MUC22: variants seen among roughly 807,000 people sequenced by gnomAD.
The protein encoded by MUC22 is mucin-22.
Under a neutral mutation model 40.3 loss-of-function variants are expected in MUC22, and 24 were observed. The observed-to-expected ratio is 0.60, with a 90% confidence interval of 0.43 to 0.84. The LOEUF (loss-of-function observed/expected upper bound fraction) is 0.84. MUC22 is among the 40% of genes least tolerant of loss of function. MUC22 has a pLI of 0.00. For missense variants in MUC22, 1,926 were observed against 2,130.7 expected (o/e 0.90, Z 1.89); for synonymous variants, 765 against 844.5 (o/e 0.91, Z 1.63).
chr6:31,022,485 T>C (rs923177891), intron 1 of MUC22, among the ~76,000 whole-genome samples: 1 of 151,994 alleles, frequency 6.6e-6, no homozygotes, highest in African/African-American at 2.4e-5. Context: ...TAAAAGTTCT[T>C]CAGGAAGAAA....
Position 31,027,101 on chromosome 6 carries a change from T to C in MUC22, c.1670T>C (p.Met557Thr), listed in dbSNP as rs770369929. Residue 557 changes from methionine to threonine, a missense_variant, in exon 2 of 4, where the codon ATG (methionine) becomes ACG (threonine). Met to Thr is a moderately conservative substitution (Grantham distance 81, BLOSUM62 -1). This residue lies in a region of MUC22 where 1,281 missense variants were observed against 1,337.8 expected (regional missense o/e 0.96). Coordinates refer to ENST00000561890, the Ensembl canonical transcript of MUC22. ...TCCACCATGGGCTCTGAGACCACTA[T>C]GGCCTCTACCATAGGCCCTGAGACC... 6,136 of 1,463,502 alleles carry C rather than the reference T, an allele frequency of 4.2e-3. 482 individuals are homozygous for C. The highest frequency in any genetic ancestry group is 9.5e-3 in the East Asian group (356 of 37,412). The allele number at this position is 1,463,502 out of a possible 1,614,324, so 90.7% of individuals were successfully genotyped here.
exon 2 of MUC22, chr6:31,029,461 G>A: frequency 6.5e-7 from 1 of 1,534,496 alleles, no homozygotes; most frequent in Non-Finnish European, 8.7e-7. Flanking sequence ...CTCAGGCTCT[G>A]GGACCACCAC....
At chr6:31,031,860 GC>G (rs779127985) in intron 2 of MUC22, among the ~76,000 whole-genome samples, 4 of 152,020 alleles carry the variant, frequency 2.6e-5, no homozygotes, top group Non-Finnish European at 5.9e-5. Flanking sequence ...ATTTTTATCA[GC>G]CCACCCTCTT....
Position 31,032,215 on chromosome 6 carries a change from CAGACTCA to C in MUC22, c.4690_4696del (p.Arg1564LeufsTer26). ...TCATAGGCACCAGAACCACTGGAACCAGACTCACTGCCTCCAGCTCTGTCACCATGGC... is the reference window on the plus strand; with the variant it reads ...TCATAGGCACCAGAACCACTGGAACCCTGCCTCCAGCTCTGTCACCATGGC... On this transcript the variant is annotated frameshift_variant, in exon 3 of 4. Transcript: ENST00000561890. LOFTEE classifies it high-confidence loss of function. This position sits in a 1 kb window ranked among gnomAD's most constrained non-coding sequence, Gnocchi z 4.1. The C allele has an allele frequency of 8.5e-6, 13 of 1,534,752 alleles. No homozygotes were observed. Among genetic ancestry groups the C allele is most frequent in the Non-Finnish European group, 1.0e-5 (12 of 1,146,386 alleles).
chr6:31,017,371 CCT>C (rs1764301348), intron 1 of MUC22, among the ~76,000 whole-genome samples: 1 of 151,704 alleles, frequency 6.6e-6, no homozygotes, highest in Non-Finnish European at 1.5e-5. Context: ...CAATCAGCAC[CCT>C]GTGTCTAGCT....
exon 2 of MUC22, chr6:31,025,591 G>A (rs1225125652): frequency 1.1e-5 from 17 of 1,522,314 alleles, no homozygotes; most frequent in Non-Finnish European, 1.2e-5. Flanking sequence ...CTCCACCATG[G>A]CCTCTACTTC....
chr6:31,026,162 A>ATT lies in MUC22; in HGVS notation c.731_732insTT (p.Lys246ProfsTer3), dbSNP rs1765298781. 4 of 1,520,240 alleles carry ATT rather than the reference A, an allele frequency of 2.6e-6. No individual in the cohort carries two copies. The Admixed American group carries it at 6.0e-5, about 23-fold the overall frequency. The allele number at this position is 1,520,240 out of a possible 1,614,324, so 94.2% of individuals were successfully genotyped here. ...GAGGCCACCACAACCTCAACTGCAG[A>ATT]CTCCAAGGTGATCACGGCATCCAGC... On this transcript the variant is annotated frameshift_variant, in exon 2 of 4. Transcript: ENST00000561890. LOFTEE classifies it high-confidence loss of function.
chr6:31,035,240 G>T, exon 4 of MUC22: 1 of 381,050 alleles, frequency 2.6e-6, no homozygotes, highest in Non-Finnish European at 4.7e-6. Flanking sequence ...CTCAGCCTCT[G>T]TTGTGGGGAG....
In MUC22 at chr6:31,032,764, A is replaced by C. The variant is rs1307681777; in HGVS notation, c.5055+183A>C. 2.0e-5 allele frequency among the ~76,000 whole-genome samples: 3 copies of C among 152,212 alleles called. No individual in the cohort carries two copies. The highest frequency in any genetic ancestry group is 7.2e-5 in the African/African-American group (3 of 41,448). On this transcript the variant is annotated intron_variant, in intron 3 of 3. Coordinates refer to ENST00000561890, the Ensembl canonical transcript of MUC22. This position sits in a 1 kb window ranked among gnomAD's most constrained non-coding sequence, Gnocchi z 4.1. The stretch of plus-strand genomic sequence containing the variant: ...GCTTAAGTCAGAGAAAGTGAGAAGC[A>C]AAGTAGAAAAAGAGGAGGGAAAAGA...
At chr6:31,008,508 G>A (rs945086643), upstream of MUC22, among the ~76,000 whole-genome samples, 1 of 151,906 alleles carries the variant, frequency 6.6e-6, no homozygotes, top group African/African-American at 2.4e-5. Flanking sequence ...ATATGGCCAA[G>A]TATTTACCCA....
intron 1 of MUC22, among the ~76,000 whole-genome samples, chr6:31,013,734 G>A (rs999834721): frequency 1.5e-4 from 23 of 152,164 alleles, no homozygotes; most frequent in Non-Finnish European, 2.4e-4. Context: ...CACCATCATA[G>A]CTCACTGCAG....
chr6:31,021,907 T>C (rs1172626403), intron 1 of MUC22, among the ~76,000 whole-genome samples: 1 of 152,054 alleles, frequency 6.6e-6, no homozygotes, highest in Non-Finnish European at 1.5e-5. Context: ...TTGCTACTGC[T>C]CACTTTTTGG....
At chr6:31,021,926 T>C (rs1361983545) in intron 1 of MUC22, among the ~76,000 whole-genome samples, 1 of 152,166 alleles carries the variant, frequency 6.6e-6, no homozygotes, top group Non-Finnish European at 1.5e-5. Flanking sequence ...GGGTCTACAC[T>C]GTTTTTATGA....
At chr6:31,027,919 A>G in exon 2 of MUC22, 1 of 1,535,032 alleles carries the variant, frequency 6.5e-7, no homozygotes, top group South Asian at 1.2e-5. Flanking sequence ...CACAGACTCT[A>G]CTGAAGGCTC....
At chr6:31,034,913 A>C (rs1197170255) in exon 4 of MUC22, 2 of 1,535,512 alleles carry the variant, frequency 1.3e-6, no homozygotes, top group African/African-American at 1.4e-5. Context: ...CATGGCGGGC[A>C]TTATGGACAT....
chr6:31,030,228 C>T (rs1488162638), intron 2 of MUC22, 128 bp downstream of exon 2: 3 of 1,156,412 alleles, frequency 2.6e-6, no homozygotes, highest in Middle Eastern at 2.0e-4. Flanking sequence ...ATATAATTTC[C>T]TCTTCTAGGC....
intron 1 of MUC22, among the ~76,000 whole-genome samples, chr6:31,022,532 G>A (rs1382498616): frequency 1.3e-5 from 2 of 150,958 alleles, no homozygotes; most frequent in Non-Finnish European, 2.9e-5. Flanking sequence ...GAAGTGTGCT[G>A]GAAATGATAA....
exon 2 of MUC22, chr6:31,028,076 G>A (rs1371507281): frequency 2.6e-6 from 4 of 1,534,450 alleles, no homozygotes; most frequent in Non-Finnish European, 3.5e-6. Context: ...TCTACTACAA[G>A]CTCTGAGACC....
chr6:31,028,687 CCAGCCTCT>C lies in MUC22; in HGVS notation c.3257_3264del (p.Pro1086HisfsTer5). The C allele has an allele frequency of 6.7e-7, 1 of 1,503,732 alleles. No homozygotes were observed. Among genetic ancestry groups the C allele is most frequent in the East Asian group, 2.6e-5 (1 of 38,968 alleles). The allele number at this position is 1,503,732 out of a possible 1,614,324, so 93.1% of individuals were successfully genotyped here. On this transcript the variant is annotated frameshift_variant, in exon 2 of 4. Coordinates refer to ENST00000561890, the Ensembl canonical transcript of MUC22. LOFTEE classifies it high-confidence loss of function. Reference sequence around the variant, plus strand: ...CTCCACTGCAGGCTCTGAGACCATCCCAGCCTCTACAGCAGGCTCTGAGACCACCACCA... The same window carrying C: ...CTCCACTGCAGGCTCTGAGACCATCCACAGCAGGCTCTGAGACCACCACCA...
Sources: allele counts gnomAD v4.1 joint callset (sites outside exome capture counted in the v4.1 genomes callset), GRCh38; gene constraint gnomAD v4.1.1; regional missense constraint gnomAD v4.1.1; non-coding constraint Gnocchi (gnomAD v3.1); transcripts MANE v1.5; gene names NCBI Gene and HGNC (gene_info 2026-07-23, HGNC 2026-07-21).